PTCD3: variants seen among roughly 807,000 people sequenced by gnomAD.
PTCD3 encodes small ribosomal subunit protein mS39.
Under a neutral mutation model 101.9 loss-of-function variants are expected in PTCD3, and 89 were observed. The ratio of observed to expected loss-of-function variants is 0.87; its 90% CI spans 0.74 to 1.04. PTCD3 has a LOEUF of 1.04. Ranked by LOEUF, PTCD3 falls within the 50% of genes least tolerant of loss-of-function variation. PTCD3 has a pLI of 0.00. For synonymous variants in PTCD3, 296 were observed against 278.5 expected, an observed-to-expected ratio of 1.06 and a Z score of -0.63; for missense variants, 870 against 828.2, an observed-to-expected ratio of 1.05 and a Z score of -0.62.
rs750404265 is a variant in PTCD3 at position 86,134,354 on chromosome 2, G to T, written c.1606G>T (p.Ala536Ser). 3 of 1,613,196 alleles carry T rather than the reference G, an allele frequency of 1.9e-6. No individual in the cohort carries two copies. The highest frequency in any genetic ancestry group is 2.2e-5 in the South Asian group (2 of 91,042). ...DLREEILMLM[A>S]RDKHPPELQV... is the part of the protein sequence containing the mutation. ...GAGAGAAGAGATCCTGATGCTCATG[G>T]CAAGGGACAAGCACCCACCAGAGGT... The change falls in exon 20 of 24, where the codon GCA becomes TCA. Residue 536 changes from alanine (A) to serine (S), a missense_variant. By Grantham distance (99) the Ala-to-Ser change is moderately conservative. Transcript: ENST00000254630.
chr2:86,133,046 C>T, intron 17 of PTCD3, 132 bp from the exon 18 acceptor site: 1 of 1,405,754 alleles, frequency 7.1e-7, no homozygotes, highest in Non-Finnish European at 9.4e-7. Flanking sequence ...CAAATATTGG[C>T]TCGTTTAACT....
intron 1 of PTCD3, among the ~76,000 whole-genome samples, chr2:86,106,698 G>A (rs1673958162): frequency 6.6e-6 from 1 of 152,172 alleles, no homozygotes; most frequent in Non-Finnish European, 1.5e-5. Context: ...AACCCAATCA[G>A]GAGGAGCGAG....
At chr2:86,110,172 A>T (rs1674049401) in intron 3 of PTCD3, among the ~76,000 whole-genome samples, 1 of 152,236 alleles carries the variant, frequency 6.6e-6, no homozygotes, top group African/African-American at 2.4e-5. Context: ...TAACTTGATA[A>T]GACTTAAATA....
At chr2:86,126,732 G>A (rs1387119176) in intron 12 of PTCD3, among the ~76,000 whole-genome samples, 1 of 151,716 alleles carries the variant, frequency 6.6e-6, no homozygotes, top group Non-Finnish European at 1.5e-5. Context: ...AGCTACTCAG[G>A]AGGCTGAGGC....
intron 4 of PTCD3, among the ~76,000 whole-genome samples, chr2:86,114,544 G>A (rs1674147336): frequency 6.6e-6 from 1 of 152,166 alleles, no homozygotes; most frequent in African/African-American, 2.4e-5. Flanking sequence ...AGAAAAGAGA[G>A]CTATGTGGAG....
chr2:86,129,910 A>G (rs1674465308), intron 14 of PTCD3, among the ~76,000 whole-genome samples: 1 of 139,878 alleles, frequency 7.1e-6, no homozygotes, highest in African/African-American at 2.5e-5. Flanking sequence ...TGCTCAGTTC[A>G]TGTTATATTT....
In PTCD3 at chr2:86,121,334, C is replaced by T. The variant is rs1269941350; in HGVS notation, c.539-145C>T. 2.2e-5 allele frequency: 11 copies of T among 495,380 alleles called. No homozygotes were observed. In the Admixed American group the frequency reaches 2.6e-4, roughly 12 times the overall value. 30.7% of individuals were successfully genotyped at this position (495,380 alleles called of 1,614,324 possible). ...ACGTCACTTCAGGTGTTTAAGTTGA[C>T]GTTGAGTGCATAAAGTAGTGGACAA... On this transcript the variant is annotated intron_variant, in intron 7 of 23. Coordinates refer to ENST00000254630, the MANE Select transcript of PTCD3 (RefSeq NM_017952.6).
intron 17 of PTCD3, 133 bp from the exon 18 acceptor site, chr2:86,133,045 G>T (rs1674520761): frequency 7.1e-7 from 1 of 1,402,286 alleles, no homozygotes; most frequent in African/African-American, 1.5e-5. Flanking sequence ...CCAAATATTG[G>T]CTCGTTTAAC....
At chr2:86,111,260 C>A in intron 4 of PTCD3, 102 bp downstream of exon 4, 1 of 1,064,414 alleles carries the variant, frequency 9.4e-7, no homozygotes, top group South Asian at 1.4e-5. Context: ...CGTCATTACT[C>A]AGAATTAAAC....
intron 9 of PTCD3, among the ~76,000 whole-genome samples, chr2:86,124,223 G>A (rs1350816376): frequency 6.6e-6 from 1 of 152,176 alleles, no homozygotes; most frequent in African/African-American, 2.4e-5. Flanking sequence ...AGAATTAGCT[G>A]GGTGTCTAAA....
intron 5 of PTCD3, 41 bp from the exon 6 acceptor site, chr2:86,117,014 G>T: frequency 1.2e-6 from 1 of 826,034 alleles, no homozygotes; most frequent in Non-Finnish European, 2.1e-6. Context: ...AATCTTGCTT[G>T]AGTTTAAATT....
At chr2:86,121,684 T>C (rs1573852463) in intron 8 of PTCD3, 90 bp downstream of exon 8, 2 of 780,162 alleles carry the variant, frequency 2.6e-6, no homozygotes, top group East Asian at 2.6e-5. Context: ...TTTTGCCATG[T>C]GTCAGGGTAG....
rs1413165643 is a variant in PTCD3, at chr2:86,135,007, TA to T, written c.1778+21del. ...AGCCTGGTGAGTACAGTACCACAAGTATACACTTTAGAAGCTTTTGTATTTG... is the reference window on the plus strand; with the variant it reads ...AGCCTGGTGAGTACAGTACCACAAGTTACACTTTAGAAGCTTTTGTATTTG... On this transcript the variant is annotated intron_variant, in intron 21 of 23. Coordinates refer to ENST00000254630, the MANE Select transcript of PTCD3 (RefSeq NM_017952.6). 3.1e-6 allele frequency: 5 copies of T among 1,601,292 alleles called. No homozygotes were observed. The African/African-American group carries it at 5.4e-5, about 17-fold the overall frequency.
chr2:86,118,830 G>A (rs564689104), intron 6 of PTCD3, 91 bp from the exon 7 acceptor site: 1 of 1,388,318 alleles, frequency 7.2e-7, no homozygotes, highest in South Asian at 1.3e-5. Flanking sequence ...GTTTTACTTT[G>A]GTATGTTGGT....
At chr2:86,108,595 G>A (rs979940) in intron 3 of PTCD3, 59 bp downstream of exon 3, 1,350,270 of 1,483,246 alleles carry the variant, frequency 0.91, 615,888 homozygotes, top group East Asian at 0.98. Flanking sequence ...TGAGAGAAGT[G>A]TAAGGGTTAG....
At chr2:86,112,748 A>G (rs1381534467) in intron 4 of PTCD3, among the ~76,000 whole-genome samples, 1 of 152,048 alleles carries the variant, frequency 6.6e-6, no homozygotes, top group Non-Finnish European at 1.5e-5. Context: ...CAAAGGAGGA[A>G]GCTAAGGTTT....
Position 86,121,614 on chromosome 2 carries a change from A to T in PTCD3, c.654+20A>T. The T allele has an allele frequency of 7.9e-7, 1 of 1,258,152 alleles. No homozygotes were observed. Among genetic ancestry groups the T allele is most frequent in the Non-Finnish European group, 1.1e-6 (1 of 928,882 alleles). 77.9% of individuals were successfully genotyped at this position (1,258,152 alleles called of 1,614,324 possible). ...GCATTGGTAATAACTGTTGGCCTTG[A>T]TTTTTTTTTTTCCTTAAGCTTCTTT... On this transcript the variant is annotated intron_variant, in intron 8 of 23. Transcript: ENST00000254630.
rs1314967652 is a variant in PTCD3 at position 86,141,829 on chromosome 2, C to T, written c.*4270C>T. 1.3e-5 allele frequency: 2 copies of T among 152,182 alleles called. No individual in the cohort carries two copies. The highest frequency in any genetic ancestry group is 3.9e-4 in the East Asian group (2 of 5,194). 9.4% of individuals were successfully genotyped at this position (152,182 alleles called of 1,614,324 possible). On this transcript the variant is annotated 3_prime_UTR_variant, in exon 24 of 24. Transcript: ENST00000254630. Reference sequence around the variant, plus strand: ...AAATGAAAGGGTGAAGAGAAGCCTACCTGCCCTAATGGCTCAGGGCTATAT... The same window carrying T: ...AAATGAAAGGGTGAAGAGAAGCCTATCTGCCCTAATGGCTCAGGGCTATAT...
At chr2:86,108,956 T>C (rs1674021661) in intron 3 of PTCD3, 1 of 163,620 alleles carries the variant, frequency 6.1e-6, no homozygotes, top group Admixed American at 6.4e-5. Context: ...TTTTATTCAC[T>C]GGATATATCC....
Sources: allele counts gnomAD v4.1 joint callset (sites outside exome capture counted in the v4.1 genomes callset), GRCh38; gene constraint gnomAD v4.1.1; transcripts MANE v1.5; gene names NCBI Gene and HGNC (gene_info 2026-07-23, HGNC 2026-07-21).